The following USP20 variants were observed in gnomAD, a reference collection of about 807,000 sequenced individuals.
The protein encoded by USP20 is ubiquitin specific peptidase 20, also known as ubiquitin carboxyl-terminal hydrolase 20.
USP20 carries 80 observed loss-of-function variants against 124.2 expected under a neutral mutation model. The ratio of observed to expected loss-of-function variants is 0.64; its 90% CI spans 0.54 to 0.78. The LOEUF (loss-of-function observed/expected upper bound fraction) is 0.78. USP20 is among the 30% of genes least tolerant of loss of function. The pLI is 0.00. For missense variants in USP20, 1,043 were observed against 1,244.4 expected (o/e 0.84, Z 2.44); for synonymous variants, 481 against 512.3 (o/e 0.94, Z 0.83).
At chr9:129,849,559 A>G (rs1429210721) in intron 1 of USP20, among the ~76,000 whole-genome samples, 1 of 152,210 alleles carries the variant, frequency 6.6e-6, no homozygotes, top group East Asian at 1.9e-4. Context: ...CAGGAGTTCA[A>G]GACCAGCCTG....
chr9:129,877,748 G>T (rs1047463482), intron 22 of USP20, among the ~76,000 whole-genome samples: 1 of 152,098 alleles, frequency 6.6e-6, no homozygotes, highest in Non-Finnish European at 1.5e-5. Flanking sequence ...TCTCTGAGCA[G>T]ATAGGCACAT....
intron 2 of USP20, among the ~76,000 whole-genome samples, chr9:129,852,202 T>C (rs62586274): frequency 0.15 from 22,630 of 152,168 alleles, 2,244 homozygotes; most frequent in African/African-American, 0.27. Flanking sequence ...TTGTCTGGTG[T>C]GCAGCTCCCT....
At chr9:129,847,305 T>A (rs980355078) in intron 1 of USP20, among the ~76,000 whole-genome samples, 9 of 150,428 alleles carry the variant, frequency 6.0e-5, no homozygotes, top group Non-Finnish European at 1.2e-4. Context: ...AACACTTTTT[T>A]TTTTTTTTTT....
rs1271786421 is a variant in USP20 at position 129,880,263 on chromosome 9, G to A, written c.2735G>A (p.Arg912Gln). The A allele has an allele frequency of 8.1e-6, 13 of 1,598,548 alleles. No homozygotes were observed. Among genetic ancestry groups the A allele is most frequent in the Non-Finnish European group, 1.1e-5 (13 of 1,174,280 alleles). ...HGEQKIEAET[R>Q]AV ...GAGCAGAAGATCGAAGCCGAGACGC[G>A]GGCCGTGTGATCTGCTGGGCTAGTC... is the stretch of plus-strand genomic sequence containing the variant. The change falls in exon 25 of 26, where the codon CGG becomes CAG. Residue 912 changes from arginine (R) to glutamine (Q), a missense_variant. By Grantham distance (43) the Arg-to-Gln change is conservative (BLOSUM62 1). Transcript: ENST00000372429.
At chr9:129,871,386 T>C (rs1457220510) in intron 15 of USP20, among the ~76,000 whole-genome samples, 2 of 152,208 alleles carry the variant, frequency 1.3e-5, no homozygotes, top group African/African-American at 2.4e-5. Flanking sequence ...ATTGTTCCAT[T>C]GTGTGGATGG....
At chr9:129,852,452 G>A in intron 2 of USP20, 88 bp from the exon 3 acceptor site, 2 of 1,212,292 alleles carry the variant, frequency 1.6e-6, no homozygotes. Flanking sequence ...AGGACTCAAG[G>A]CCAAAGTCAT....
At chr9:129,835,919 G>T (rs1411957536) in intron 1 of USP20, 2 of 152,250 alleles carry the variant, frequency 1.3e-5, no homozygotes, top group African/African-American at 4.8e-5. Flanking sequence ...TGCTGACTTA[G>T]AGTCCCAGCG....
intron 1 of USP20, among the ~76,000 whole-genome samples, chr9:129,841,411 C>T (rs1267028859): frequency 6.6e-6 from 1 of 152,216 alleles, no homozygotes; most frequent in Non-Finnish European, 1.5e-5. Flanking sequence ...AATATGATTA[C>T]ATTCTCAGGT....
chr9:129,864,809 A>G (rs1368631663), intron 9 of USP20, among the ~76,000 whole-genome samples: 3 of 149,716 alleles, frequency 2.0e-5, no homozygotes, highest in Non-Finnish European at 4.4e-5. Flanking sequence ...ATGGTACAAT[A>G]TAATTCCGCT....
chr9:129,862,143 C>T (rs1366485752), intron 8 of USP20, among the ~76,000 whole-genome samples: 3 of 151,924 alleles, frequency 2.0e-5, no homozygotes, highest in African/African-American at 4.8e-5. Flanking sequence ...TATATGTATG[C>T]GGGAAGCAGA....
intron 9 of USP20, among the ~76,000 whole-genome samples, chr9:129,864,776 A>ACC (rs2033742618): frequency 2.0e-5 from 3 of 148,060 alleles, no homozygotes; most frequent in Non-Finnish European, 3.0e-5. Context: ...TCTGTCCCAA[A>ACC]AAAAAAAAAA....
intron 25 of USP20, 38 bp from the exon 26 acceptor site, chr9:129,880,429 T>C (rs924191308): frequency 3.6e-5 from 37 of 1,035,720 alleles, no homozygotes; most frequent in Non-Finnish European, 4.7e-5. Context: ...GCCCTGGACA[T>C]GGCCCGGCCC....
rs1250796470 is a variant in USP20 at position 129,879,270 on chromosome 9, T to C, written c.2513-303T>C. ...CTGTGGTTGCCGAGGCTAAATGAGA[T>C]AGCTGGGCAGAGGGGAAGGGGCGTG... On this transcript the variant is annotated intron_variant, in intron 23 of 25. Coordinates refer to ENST00000372429, the MANE Select transcript of USP20 (RefSeq NM_001110303.4). This position sits in a 1 kb window ranked among gnomAD's most constrained non-coding sequence, Gnocchi z 4.2. The C allele has an allele frequency of 7.5e-6, 3 of 400,576 alleles. No individual in the cohort carries two copies. Among genetic ancestry groups the C allele is most frequent in the Middle Eastern group, 6.5e-4 (1 of 1,550 alleles). 24.8% of individuals were successfully genotyped at this position (400,576 alleles called of 1,614,324 possible). A position where few individuals can be genotyped will look rare whatever the true frequency, so the allele number is the denominator to read the frequency against.
chr9:129,861,011 GGAC>G lies in USP20; in HGVS notation c.408_410del (p.Asp138del). The G allele has an allele frequency of 1.2e-6, 2 of 1,614,164 alleles. No homozygotes were observed. Among genetic ancestry groups the G allele is most frequent in the South Asian group, 2.2e-5 (2 of 91,088 alleles). On this transcript the variant is annotated inframe_deletion, in exon 7 of 26. Transcript: ENST00000372429. The stretch of plus-strand genomic sequence containing the variant: ...CTGATGAAGGAGAGTCTGAGTCAGA[GGAC>G]GATGACCTGAAACCTCGAGGTAATG...
intron 15 of USP20, among the ~76,000 whole-genome samples, chr9:129,872,672 T>C (rs1158292893): frequency 6.6e-6 from 1 of 152,188 alleles, no homozygotes; most frequent in Non-Finnish European, 1.5e-5. Flanking sequence ...TATTGAGATC[T>C]TTGATCCCAT....
chr9:129,859,270 T>TTTTATTTTGTTTATTTTATTTTA (rs2033402202), intron 6 of USP20, among the ~76,000 whole-genome samples: 1 of 139,150 alleles, frequency 7.2e-6, no homozygotes, highest in East Asian at 2.0e-4. Flanking sequence ...TTTTATTTTA[T>TTTTATTTTGTTTATTTTATTTTA]TTTATTTTAT....
rs764621404 is a variant in USP20 at position 129,868,404 on chromosome 9, G to A, written c.1090G>A (p.Ala364Thr). 61 of 1,612,078 alleles carry A rather than the reference G, an allele frequency of 3.8e-5. No homozygotes were observed. Among genetic ancestry groups the A allele is most frequent in the Non-Finnish European group, 5.1e-5 (60 of 1,179,458 alleles). ...TGCCCTTGACGACCAGCCCGCGGAGGCCCAGCCCCCGTCACCACGGTCCTC... is the reference window on the plus strand; with the variant it reads ...TGCCCTTGACGACCAGCCCGCGGAGACCCAGCCCCCGTCACCACGGTCCTC... The part of the protein sequence containing the change: ...MAALDDQPAE[A>T]QPPSPRSSSP... Residue 364 changes from alanine (A) to threonine (T), a missense_variant, in exon 11 of 26, where the codon GCC becomes ACC. By Grantham distance (58) the Ala-to-Thr change is moderately conservative. Transcript: ENST00000372429.
chr9:129,859,726 T>G (rs974721425), intron 6 of USP20, among the ~76,000 whole-genome samples: 6 of 152,250 alleles, frequency 3.9e-5, no homozygotes, highest in African/African-American at 1.4e-4. Flanking sequence ...TGCATGTGTA[T>G]TAACAGTTAA....
intron 1 of USP20, among the ~76,000 whole-genome samples, chr9:129,837,105 G>C (rs765594575): frequency 6.6e-6 from 1 of 152,224 alleles, no homozygotes; most frequent in Non-Finnish European, 1.5e-5. Flanking sequence ...TGCTGTGGCA[G>C]ATCTAATTGA....
Sources: allele counts gnomAD v4.1 joint callset (sites outside exome capture counted in the v4.1 genomes callset), GRCh38; gene constraint gnomAD v4.1.1; non-coding constraint Gnocchi (gnomAD v3.1); transcripts MANE v1.5; gene names NCBI Gene and HGNC (gene_info 2026-07-23, HGNC 2026-07-21).